The following TLN2 variants were observed in gnomAD, a reference collection of about 807,000 sequenced individuals.
TLN2 encodes the protein talin 2, also known as talin-2.
A neutral mutation model predicts 294.7 loss-of-function variants in TLN2; 118 were observed. The ratio of observed to expected loss-of-function variants is 0.40; its 90% CI spans 0.34 to 0.47. The LOEUF (loss-of-function observed/expected upper bound fraction) is 0.47, where lower values mean the gene tolerates loss of function less well. Ranked by LOEUF, TLN2 falls within the 20% of genes least tolerant of loss-of-function variation. TLN2 has a pLI of 0.84. For missense variants in TLN2, 3,083 were observed against 3,282.2 expected (o/e 0.94, Z 1.48); for synonymous variants, 1,431 against 1,304.5 (o/e 1.10, Z -2.09).
At chr15:62,550,535 A>G (rs944191121) in intron 1 of TLN2, among the ~76,000 whole-genome samples, 1 of 152,208 alleles carries the variant, frequency 6.6e-6, no homozygotes, top group Admixed American at 6.5e-5. Flanking sequence ...GACAGAATAA[A>G]TGTTCAGAAT....
At chr15:62,400,340 G>A (rs535430301) in intron 1 of TLN2, among the ~76,000 whole-genome samples, 2 of 152,334 alleles carry the variant, frequency 1.3e-5, no homozygotes, top group South Asian at 4.1e-4. Context: ...ACAGGTGAAA[G>A]TTAGAATCTC....
At chr15:62,427,504 C>T (rs1303675902) in intron 1 of TLN2, among the ~76,000 whole-genome samples, 2 of 151,892 alleles carry the variant, frequency 1.3e-5, no homozygotes, top group South Asian at 2.1e-4. Flanking sequence ...GAGGAGGGGG[C>T]GAGGGGGTAT....
chr15:62,771,959 C>G (rs2063374563), intron 42 of TLN2, among the ~76,000 whole-genome samples: 2 of 152,120 alleles, frequency 1.3e-5, no homozygotes, highest in Non-Finnish European at 2.9e-5. Context: ...ATGGACTTTC[C>G]TTTTCTTTTC....
intron 11 of TLN2, among the ~76,000 whole-genome samples, chr15:62,685,458 CT>C (rs1398374516): frequency 6.6e-6 from 1 of 152,128 alleles, no homozygotes; most frequent in Non-Finnish European, 1.5e-5. Flanking sequence ...GTGGCATAAT[CT>C]TTACACACAT....
At chr15:62,788,646 G>A (rs1159264503) in intron 45 of TLN2, among the ~76,000 whole-genome samples, 4 of 152,174 alleles carry the variant, frequency 2.6e-5, no homozygotes, top group South Asian at 2.1e-4. Context: ...TAGTATGCGA[G>A]CCACTTTAAA....
intron 1 of TLN2, among the ~76,000 whole-genome samples, chr15:62,528,084 T>C (rs575364003): frequency 1.3e-5 from 2 of 152,372 alleles, no homozygotes; most frequent in East Asian, 1.9e-4. Flanking sequence ...CATATACTTT[T>C]GTTCATTAAA....
intron 1 of TLN2, among the ~76,000 whole-genome samples, chr15:62,578,536 A>C (rs745746083): frequency 6.6e-6 from 1 of 152,202 alleles, no homozygotes; most frequent in African/African-American, 2.4e-5. Flanking sequence ...ACTGCACCCC[A>C]GCCTGGGTGA....
At chr15:62,719,250 A>G (rs981555229) in intron 24 of TLN2, among the ~76,000 whole-genome samples, 1 of 152,180 alleles carries the variant, frequency 6.6e-6, no homozygotes, top group African/African-American at 2.4e-5. Context: ...TGGGCTTTCC[A>G]GTTTGAGAAT....
chr15:62,714,063 G>A (rs988750295), intron 22 of TLN2, among the ~76,000 whole-genome samples: 1 of 151,216 alleles, frequency 6.6e-6, no homozygotes, highest in Non-Finnish European at 1.5e-5. Flanking sequence ...AAAATTACTT[G>A]GTAGGTTGGA....
chr15:62,773,077 AAG>A (rs1340381410), intron 42 of TLN2, among the ~76,000 whole-genome samples: 3 of 151,138 alleles, frequency 2.0e-5, no homozygotes, highest in African/African-American at 2.4e-5. Context: ...CTTTCTGGTA[AAG>A]CAGAGTCTGT....
intron 41 of TLN2, among the ~76,000 whole-genome samples, chr15:62,767,328 TC>T: frequency 6.7e-6 from 1 of 149,484 alleles, no homozygotes; most frequent in Non-Finnish European, 1.5e-5. Context: ...CTTTTTCTTT[TC>T]TTTTCTTTTC....
chr15:62,805,856 G>GA (rs1197561565), intron 51 of TLN2, 71 bp downstream of exon 51: 2 of 1,511,658 alleles, frequency 1.3e-6, no homozygotes, highest in East Asian at 4.6e-5. Context: ...GGTGTAGTCT[G>GA]AAAAAGGGGA....
chr15:62,626,918 T>G (rs894810323), intron 3 of TLN2, among the ~76,000 whole-genome samples: 1 of 152,072 alleles, frequency 6.6e-6, no homozygotes, highest in Non-Finnish European at 1.5e-5. Context: ...GTAGGGTTAG[T>G]TGTAGCGCAA....
intron 58 of TLN2, 133 bp from the exon 59 acceptor site, chr15:62,840,349 C>G: frequency 7.5e-7 from 1 of 1,333,576 alleles, no homozygotes; most frequent in Non-Finnish European, 1.0e-6. Context: ...GTCGCCAGAG[C>G]TAAGAAAGCT....
At chr15:62,679,838 T>TTACATTACA (rs1289207338) in intron 11 of TLN2, among the ~76,000 whole-genome samples, 5 of 152,218 alleles carry the variant, frequency 3.3e-5, no homozygotes, top group African/African-American at 1.2e-4. Flanking sequence ...TTACATGTAC[T>TTACATTACA]TGTGTGTGTT....
intron 54 of TLN2, among the ~76,000 whole-genome samples, chr15:62,827,370 C>T (rs968677924): frequency 1.3e-5 from 2 of 152,240 alleles, no homozygotes; most frequent in South Asian, 4.1e-4. Flanking sequence ...AAGGTAGTTC[C>T]TGCTTATTTT....
intron 1 of TLN2, among the ~76,000 whole-genome samples, chr15:62,582,246 A>ACACACACACACACACACACACACACACC (rs764248336): frequency 1.0e-4 from 14 of 137,308 alleles, no homozygotes; most frequent in East Asian, 4.6e-4. Context: ...ACACACACAC[A>ACACACACACACACACACACACACACACC]CATTCATGCC....
In TLN2 at chr15:62,707,182, C is replaced by T. The variant is rs780645333; in HGVS notation, c.2101C>T (p.Leu701=). 5 of 1,614,218 alleles carry T rather than the reference C, an allele frequency of 3.1e-6. No homozygotes were observed. The South Asian group carries it at 4.4e-5, about 14-fold the overall frequency. ...TGCCCAAGTGGCCGAAGACACTGTC[C>T]TACAGAACAGGGTAATTGCTGCTGC... ...NVAQVAEDTV[L]QNRVIAAATQ... is the part of the protein sequence containing the mutation. Residue 701 remains leucine (L), a synonymous_variant, in exon 20 of 59, where the codon CTA becomes TTA. Coordinates refer to ENST00000636159, the MANE Select transcript of TLN2 (RefSeq NM_015059.3).
At chr15:62,460,421 C>T (rs548789986) in intron 1 of TLN2, among the ~76,000 whole-genome samples, 73 of 152,292 alleles carry the variant, frequency 4.8e-4, no homozygotes, top group Non-Finnish European at 6.5e-4. Context: ...TGTGCCACCA[C>T]GCCTGGCTAC....
Sources: gnomAD v4.1 joint callset for allele counts (sites outside exome capture counted in the v4.1 genomes callset) on GRCh38, gnomAD v4.1.1 for gene constraint, MANE v1.5 for transcripts, NCBI Gene and HGNC (gene_info 2026-07-23, HGNC 2026-07-21) for gene names.